The following SLC8A1 variants were observed in gnomAD, a reference collection of about 807,000 sequenced individuals.
The protein encoded by SLC8A1 is solute carrier family 8 member A1.
A neutral mutation model predicts 68.3 loss-of-function variants in SLC8A1; 18 were observed. The ratio of observed to expected loss-of-function variants is 0.26; its 90% CI spans 0.18 to 0.39. The LOEUF is 0.39. Among genes scored for constraint, SLC8A1 ranks in the 10% least tolerant of loss-of-function variants. The pLI is 1.00. For missense variants in SLC8A1, 985 were observed against 1,156.7 expected, an observed-to-expected ratio of 0.85 and a Z score of 2.15; for synonymous variants, 475 against 415.5, an observed-to-expected ratio of 1.14 and a Z score of -1.74.
At chr2:40,363,839 A>G (rs1009114262) in intron 2 of SLC8A1, among the ~76,000 whole-genome samples, 2 of 151,810 alleles carry the variant, frequency 1.3e-5, no homozygotes, top group Non-Finnish European at 2.9e-5. Flanking sequence ...AGGCTGATTG[A>G]CTCTGAACAG....
At chr2:40,459,368 A>AT (rs5830630) in intron 1 of SLC8A1, among the ~76,000 whole-genome samples, 81,760 of 150,970 alleles carry the variant, frequency 0.54, 22,675 homozygotes, top group Middle Eastern at 0.6. Flanking sequence ...AGGACAGTAT[A>AT]TTTTTTTTTG....
chr2:40,136,471 A>T (rs2040514628), intron 7 of SLC8A1, among the ~76,000 whole-genome samples: 1 of 152,178 alleles, frequency 6.6e-6, no homozygotes, highest in African/African-American at 2.4e-5. Context: ...GAAAGTTTTC[A>T]ATGTCCGTCT....
At chr2:40,148,771 A>G (rs1207792672) in intron 6 of SLC8A1, among the ~76,000 whole-genome samples, 7 of 152,216 alleles carry the variant, frequency 4.6e-5, no homozygotes, top group Non-Finnish European at 1.0e-4. Context: ...GATTTTTAAG[A>G]GAAGTTATAT....
At chr2:40,226,138 C>G (rs528070256) in intron 2 of SLC8A1, among the ~76,000 whole-genome samples, 1 of 152,076 alleles carries the variant, frequency 6.6e-6, no homozygotes, top group African/African-American at 2.4e-5. Context: ...AAAGTCGGGC[C>G]TTGCTGTGAC....
At chr2:40,498,508 C>A (rs1281765747) in intron 1 of SLC8A1, among the ~76,000 whole-genome samples, 1 of 152,022 alleles carries the variant, frequency 6.6e-6, no homozygotes, top group Non-Finnish European at 1.5e-5. Context: ...TAAAACCTAT[C>A]AGACAGATAA....
chr2:40,452,529 C>A (rs966629554), upstream of SLC8A1, among the ~76,000 whole-genome samples: 1 of 152,202 alleles, frequency 6.6e-6, no homozygotes. Context: ...CTTCCGCAGA[C>A]AGAACCCTGA....
chr2:40,264,617 G>A (rs1327133227), intron 2 of SLC8A1, among the ~76,000 whole-genome samples: 5 of 152,152 alleles, frequency 3.3e-5, no homozygotes, highest in Non-Finnish European at 4.4e-5. Flanking sequence ...ACCAAACACC[G>A]CGTGTTCTCA....
intron 2 of SLC8A1, among the ~76,000 whole-genome samples, chr2:40,194,618 T>C (rs2052598776): frequency 6.6e-6 from 1 of 151,920 alleles, no homozygotes; most frequent in South Asian, 2.1e-4. Context: ...TGGAGGCAAA[T>C]GAGGTCTAAA....
intron 7 of SLC8A1, among the ~76,000 whole-genome samples, chr2:40,133,060 T>G (rs1024989252): frequency 2.6e-5 from 4 of 152,196 alleles, no homozygotes; most frequent in Non-Finnish European, 5.9e-5. Flanking sequence ...TGTTACTTAA[T>G]CTTCTTGAAA....
intron 2 of SLC8A1, among the ~76,000 whole-genome samples, chr2:40,422,084 C>G (rs1055223328): frequency 6.6e-6 from 1 of 152,030 alleles, no homozygotes. Flanking sequence ...GGACCCTCAG[C>G]GGGCTCACCC....
chr2:40,176,795 T>C (rs1263079139), intron 3 of SLC8A1, among the ~76,000 whole-genome samples: 1 of 152,172 alleles, frequency 6.6e-6, no homozygotes, highest in Non-Finnish European at 1.5e-5. Flanking sequence ...CTCTCACCAA[T>C]TGTTTGTATG....
intron 2 of SLC8A1, among the ~76,000 whole-genome samples, chr2:40,212,502 C>G (rs2056792670): frequency 6.6e-6 from 1 of 152,054 alleles, no homozygotes; most frequent in Non-Finnish European, 1.5e-5. Context: ...CCAGGATGGT[C>G]TGTATCTCCT....
In SLC8A1 at chr2:40,460,106, C is replaced by G. The variant is rs144272751; in HGVS notation, c.-24-29802G>C. ...GAGACTCAGGGCCTAAAGCAGATTA[C>G]AACTCATATACTGTGCTTTTTTGAA... On this transcript the variant is annotated intron_variant, in intron 1 of 7. Transcript: ENST00000402441. Among the ~76,000 whole-genome samples the G allele has an allele frequency of 3.7e-3, 563 of 152,296 alleles. 2 individuals carry two copies. The highest frequency in any genetic ancestry group is 0.013 in the African/African-American group (534 of 41,560).
chr2:40,498,483 T>C (rs1285229692), intron 1 of SLC8A1, among the ~76,000 whole-genome samples: 3 of 152,134 alleles, frequency 2.0e-5, no homozygotes, highest in African/African-American at 7.2e-5. Flanking sequence ...TCTAACTTCA[T>C]AAGCTTTAGG....
chr2:40,367,454 C>A (rs1210884183), intron 2 of SLC8A1, among the ~76,000 whole-genome samples: 2 of 152,008 alleles, frequency 1.3e-5, no homozygotes, highest in Non-Finnish European at 2.9e-5. Context: ...ACTGAGTTAC[C>A]TATATTTGTT....
chr2:40,358,699 T>C (rs957799714), intron 2 of SLC8A1, among the ~76,000 whole-genome samples: 1 of 152,198 alleles, frequency 6.6e-6, no homozygotes, highest in African/African-American at 2.4e-5. Flanking sequence ...ATGGCCTAGG[T>C]ACAGTCCAAG....
At chr2:40,141,218 G>A (rs2041499817) in intron 6 of SLC8A1, among the ~76,000 whole-genome samples, 1 of 152,138 alleles carries the variant, frequency 6.6e-6, no homozygotes, top group African/African-American at 2.4e-5. Context: ...ACACATGTAT[G>A]GTCTTCGTGA....
intron 2 of SLC8A1, among the ~76,000 whole-genome samples, chr2:40,410,166 A>G (rs1038406690): frequency 6.6e-6 from 1 of 152,128 alleles, no homozygotes; most frequent in Non-Finnish European, 1.5e-5. Context: ...TAGACAATAA[A>G]TCTTGGAAAT....
rs192478147 is a variant in SLC8A1, at chr2:40,420,453, C to T, written c.1808+8020G>A. Among the ~76,000 whole-genome samples, 293 of 151,528 alleles carry T rather than the reference C, an allele frequency of 1.9e-3. 1 individual carries two copies. The highest frequency in any genetic ancestry group is 1.6e-3 in the Non-Finnish European group (111 of 67,938). ...CATATAAGGAAGTTAAATGCTACAG[C>T]GCCAAAGCAGGCAATGACAGAAAAC... On this transcript the variant is annotated intron_variant, in intron 2 of 7. Transcript: ENST00000406785.
Sources: gnomAD v4.1 joint callset for allele counts (sites outside exome capture counted in the v4.1 genomes callset) on GRCh38, gnomAD v4.1.1 for gene constraint, MANE v1.5 for transcripts, NCBI Gene and HGNC (gene_info 2026-07-23, HGNC 2026-07-21) for gene names.